Variants in ARHGAP28 observed in about 807,000 individuals in gnomAD.
The protein encoded by ARHGAP28 is rho GTPase-activating protein 28.
ARHGAP28 carries 56 observed loss-of-function variants against 90.7 expected under a neutral mutation model. The ratio of observed to expected loss-of-function variants is 0.62; its 90% CI spans 0.50 to 0.77. The LOEUF (loss-of-function observed/expected upper bound fraction) is 0.77, where lower values mean the gene tolerates loss of function less well. Among genes scored for constraint, ARHGAP28 ranks in the 30% least tolerant of loss-of-function variants. ARHGAP28 has a pLI of 0.00. For missense variants in ARHGAP28, 869 were observed against 900.9 expected (o/e 0.96, Z 0.45); for synonymous variants, 308 against 323.3 (o/e 0.95, Z 0.51).
At chr18:6,741,634 A>G (rs1185357254) in intron 1 of ARHGAP28, among the ~76,000 whole-genome samples, 2 of 151,334 alleles carry the variant, frequency 1.3e-5, no homozygotes, top group African/African-American at 4.9e-5. Context: ...GGGAGTTAAG[A>G]AAAAAAATAG....
intron 16 of ARHGAP28, among the ~76,000 whole-genome samples, chr18:6,900,608 C>T (rs564618988): frequency 1.3e-5 from 2 of 151,508 alleles, no homozygotes; most frequent in Admixed American, 1.3e-4. Flanking sequence ...TAGAGTTTAT[C>T]GATTATGAAC....
intron 2 of ARHGAP28, among the ~76,000 whole-genome samples, chr18:6,832,730 G>A (rs1271927327): frequency 6.6e-6 from 1 of 151,800 alleles, no homozygotes; most frequent in Non-Finnish European, 1.5e-5. Flanking sequence ...CTTTCTTAGG[G>A]TTATAGGGTT....
Position 6,873,722 on chromosome 18 carries a change from G to T in ARHGAP28, c.1159G>T (p.Asp387Tyr). The change falls in exon 9 of 18, where the codon GAC (aspartate) becomes TAC (tyrosine). Residue 387 changes from aspartate (D) to tyrosine (Y), a missense_variant. Transcript: ENST00000383472. ...IFGVPLTVLL[D>Y]GDRKKDPGVK... Reference sequence around the variant, plus strand: ...TGGAGTTCCACTTACAGTCCTCCTGGACGGTGACCGAAAGAAAGACCCTGG... The same window carrying T: ...TGGAGTTCCACTTACAGTCCTCCTGTACGGTGACCGAAAGAAAGACCCTGG... The T allele has an allele frequency of 6.2e-7, 1 of 1,613,994 alleles. No individual in the cohort carries two copies. The highest frequency in any genetic ancestry group is 8.5e-7 in the Non-Finnish European group (1 of 1,180,004).
rs149204832 is a variant in ARHGAP28, at chr18:6,764,571, C to T, written c.122+34628C>T. ...CCCTGACATTGTTGTAATAACCCCT[C>T]TTCAGGAGCTGAAAGCCTGCCAGCC... On this transcript the variant is annotated intron_variant, in intron 1 of 17. Coordinates refer to ENST00000383472, the MANE Select transcript of ARHGAP28 (RefSeq NM_001366230.1). 6.8e-3 allele frequency among the ~76,000 whole-genome samples: 1,035 copies of T among 152,282 alleles called. 7 individuals are homozygous for T. Among genetic ancestry groups the T allele is most frequent in the South Asian group, 0.022 (107 of 4,826 alleles).
intron 1 of ARHGAP28, 98 bp downstream of exon 1, chr18:6,730,041 A>G: frequency 8.4e-7 from 1 of 1,187,810 alleles, no homozygotes; most frequent in Non-Finnish European, 1.1e-6. Context: ...GACCGCCGTC[A>G]CTGGATGTTG....
chr18:6,735,672 A>G (rs1600138203), intron 1 of ARHGAP28, among the ~76,000 whole-genome samples: 1 of 151,248 alleles, frequency 6.6e-6, no homozygotes, highest in Non-Finnish European at 1.5e-5. Flanking sequence ...CTCCCATCTC[A>G]GCCTCCTGAG....
At chr18:6,757,834 A>G (rs2056124203) in intron 1 of ARHGAP28, among the ~76,000 whole-genome samples, 1 of 152,122 alleles carries the variant, frequency 6.6e-6, no homozygotes, top group African/African-American at 2.4e-5. Context: ...AGCATTGAAC[A>G]CAGAGTTAGT....
At chr18:6,850,213 T>C (rs1015028809) in intron 3 of ARHGAP28, among the ~76,000 whole-genome samples, 3 of 152,192 alleles carry the variant, frequency 2.0e-5, no homozygotes, top group African/African-American at 7.2e-5. Context: ...CAACCGCCTC[T>C]CAGATCTCTC....
At chr18:6,831,941 T>C (rs957898496) in intron 2 of ARHGAP28, among the ~76,000 whole-genome samples, 9 of 152,136 alleles carry the variant, frequency 5.9e-5, no homozygotes, top group African/African-American at 2.2e-4. Flanking sequence ...TGTTGAATTA[T>C]ATAATGTGCT....
intron 7 of ARHGAP28, among the ~76,000 whole-genome samples, chr18:6,872,076 C>T (rs2057094115): frequency 6.6e-6 from 1 of 151,992 alleles, no homozygotes; most frequent in Non-Finnish European, 1.5e-5. Context: ...ATGTGGTGGT[C>T]GAGGGAAAAG....
intron 1 of ARHGAP28, among the ~76,000 whole-genome samples, chr18:6,815,899 G>A (rs1352413051): frequency 2.7e-5 from 4 of 147,458 alleles, no homozygotes; most frequent in Admixed American, 1.4e-4. Flanking sequence ...TTACTGATGT[G>A]TCATTGTTTT....
chr18:6,769,108 G>A (rs1223806745), intron 1 of ARHGAP28, among the ~76,000 whole-genome samples: 1 of 151,974 alleles, frequency 6.6e-6, no homozygotes, highest in Non-Finnish European at 1.5e-5. Flanking sequence ...TGAGAGAGAA[G>A]CAACTTTTTG....
chr18:6,885,295 A>G (rs1200496170), intron 11 of ARHGAP28, among the ~76,000 whole-genome samples: 2 of 152,234 alleles, frequency 1.3e-5, no homozygotes, highest in African/African-American at 2.4e-5. Flanking sequence ...TGCTACCAGC[A>G]GGAAATAATG....
chr18:6,904,051 A>C (rs2057352145), intron 16 of ARHGAP28, among the ~76,000 whole-genome samples: 2 of 152,248 alleles, frequency 1.3e-5, no homozygotes, highest in East Asian at 1.9e-4. Context: ...AGGAAGTCTT[A>C]AGCAAAATAA....
rs886859637 is a variant in ARHGAP28 at position 6,837,344 on chromosome 18, A to G, written c.473A>G (p.Gln158Arg). The G allele has an allele frequency of 2.0e-5, 32 of 1,613,792 alleles. No homozygotes were observed. The East Asian group carries it at 6.7e-4, about 34-fold the overall frequency. ...AVQKRYHTYT[Q>R]TMRKKDKQSI... ...CAAAAGAGATACCATACCTATACCC[A>G]AACCATGAGGAAAAAGGATAAGCAA... is the stretch of plus-strand genomic sequence containing the variant. Residue 158 changes from glutamine (Q) to arginine (R), a missense_variant, in exon 3 of 18, where the codon CAA becomes CGA. By Grantham distance (43) the Gln-to-Arg change is conservative. Coordinates refer to ENST00000383472, the MANE Select transcript of ARHGAP28 (RefSeq NM_001366230.1).
chr18:6,822,530 G>T (rs1053918314), intron 1 of ARHGAP28, among the ~76,000 whole-genome samples: 2 of 152,098 alleles, frequency 1.3e-5, no homozygotes, highest in African/African-American at 4.8e-5. Context: ...AATTTCATAG[G>T]TATTTCAACT....
intron 1 of ARHGAP28, among the ~76,000 whole-genome samples, chr18:6,794,938 C>T (rs1176536755): frequency 2.0e-5 from 3 of 152,120 alleles, no homozygotes; most frequent in South Asian, 4.1e-4. Context: ...CCGCCTGGGC[C>T]TCCCAAAGTG....
chr18:6,909,274 GCTTTTCTTTTCTTTT>G (rs958637563), intron 17 of ARHGAP28, among the ~76,000 whole-genome samples: 1 of 99,708 alleles, frequency 1.0e-5, no homozygotes, highest in Non-Finnish European at 2.3e-5. Flanking sequence ...TCTTTTCTTT[GCTTTTCTTTTCTTTT>G]CTTTTCTTTT....
At chr18:6,881,627 C>T (rs573081899) in intron 10 of ARHGAP28, among the ~76,000 whole-genome samples, 3 of 152,252 alleles carry the variant, frequency 2.0e-5, no homozygotes, top group African/African-American at 7.2e-5. Context: ...TGTCACTGCT[C>T]CAGGAAGATG....
Sources: gnomAD v4.1 joint callset for allele counts (sites outside exome capture counted in the v4.1 genomes callset) on GRCh38, gnomAD v4.1.1 for gene constraint, MANE v1.5 for transcripts, NCBI Gene and HGNC (gene_info 2026-07-23, HGNC 2026-07-21) for gene names.